Variants in NIPAL2 observed in about 807,000 individuals in gnomAD.
NIPAL2 encodes NIPA like domain containing 2.
A neutral mutation model predicts 48.9 loss-of-function variants in NIPAL2; 43 were observed. That is an observed-to-expected ratio of 0.88 (90% CI 0.69 to 1.13). The LOEUF is 1.13. Among genes scored for constraint, NIPAL2 ranks in the 50% most tolerant of loss-of-function variants. The probability of loss-of-function intolerance (pLI) is 0.00; values close to 1 mark genes in which losing one functional copy is unlikely to be tolerated. For synonymous variants in NIPAL2, 167 were observed against 174.6 expected, an observed-to-expected ratio of 0.96 and a Z score of 0.34; for missense variants, 446 against 461.4, an observed-to-expected ratio of 0.97 and a Z score of 0.31.
rs1199088360 is a variant in NIPAL2, at chr8:98,195,925, C to A, written c.944+17G>T. On this transcript the variant is annotated intron_variant, in intron 9 of 10. Coordinates refer to ENST00000430223, the MANE Select transcript of NIPAL2 (RefSeq NM_001321635.2). Reference sequence around the variant, plus strand: ...TAATAGAATTTCACATGCTTTACCTCTGAGACATTTACTCACCCAAAAAGA... The same window carrying A: ...TAATAGAATTTCACATGCTTTACCTATGAGACATTTACTCACCCAAAAAGA... 4 of 1,537,624 alleles carry A rather than the reference C, an allele frequency of 2.6e-6. No individual in the cohort carries two copies. The highest frequency in any genetic ancestry group is 3.6e-6 in the Non-Finnish European group (4 of 1,119,068).
At chr8:98,262,071 C>T (rs1442533862) in intron 1 of NIPAL2, among the ~76,000 whole-genome samples, 13 of 139,446 alleles carry the variant, frequency 9.3e-5, no homozygotes, top group Non-Finnish European at 1.9e-4. Flanking sequence ...TACAGACAAG[C>T]AAATGCTGAG....
intron 4 of NIPAL2, among the ~76,000 whole-genome samples, chr8:98,229,577 C>T (rs574622578): frequency 8.9e-4 from 135 of 152,218 alleles, no homozygotes; most frequent in African/African-American, 3.1e-3. Context: ...AGGGTCTGGC[C>T]ATGTTGTCCA....
At chr8:98,245,010 A>G (rs1813234822) in intron 3 of NIPAL2, among the ~76,000 whole-genome samples, 1 of 152,232 alleles carries the variant, frequency 6.6e-6, no homozygotes, top group Non-Finnish European at 1.5e-5. Context: ...AAAATAGAAG[A>G]TAAAACACTA....
intron 5 of NIPAL2, among the ~76,000 whole-genome samples, chr8:98,219,011 G>T (rs930057268): frequency 1.3e-5 from 2 of 152,162 alleles, no homozygotes; most frequent in African/African-American, 4.8e-5. Flanking sequence ...TGTGAAAAGG[G>T]GGTCAAGTTC....
chr8:98,226,391 G>A (rs984801571), intron 4 of NIPAL2, among the ~76,000 whole-genome samples: 1 of 152,124 alleles, frequency 6.6e-6, no homozygotes, highest in African/African-American at 2.4e-5. Flanking sequence ...TAGGGAACTT[G>A]GGTATTGTGA....
chr8:98,194,624 A>C, intron 10 of NIPAL2, 104 bp downstream of exon 10: 1 of 550,632 alleles, frequency 1.8e-6, no homozygotes, highest in African/African-American at 2.0e-5. Context: ...TACATTTTTT[A>C]GGATAAGAAT....
intron 1 of NIPAL2, among the ~76,000 whole-genome samples, chr8:98,265,223 A>C (rs1814635347): frequency 1.3e-5 from 2 of 151,648 alleles, no homozygotes; most frequent in South Asian, 4.2e-4. Flanking sequence ...AGGCATGGGC[A>C]AGGACTTCAG....
intron 6 of NIPAL2, among the ~76,000 whole-genome samples, chr8:98,207,592 A>G (rs1811099258): frequency 6.6e-6 from 1 of 152,118 alleles, no homozygotes; most frequent in Non-Finnish European, 1.5e-5. Context: ...CTTGAAATTC[A>G]TTAAAAAAAT....
At chr8:98,215,554 C>T (rs1811533827) in intron 5 of NIPAL2, among the ~76,000 whole-genome samples, 1 of 152,176 alleles carries the variant, frequency 6.6e-6, no homozygotes, top group Non-Finnish European at 1.5e-5. Context: ...TTCGTTGAAT[C>T]CTCACAACCA....
At chr8:98,267,988 C>T (rs933176410) in intron 1 of NIPAL2, among the ~76,000 whole-genome samples, 2 of 152,154 alleles carry the variant, frequency 1.3e-5, no homozygotes, top group African/African-American at 4.8e-5. Context: ...AGAAGATTGT[C>T]CTTTCTTCAG....
At chr8:98,238,092 C>T (rs996245270) in intron 3 of NIPAL2, among the ~76,000 whole-genome samples, 3 of 152,180 alleles carry the variant, frequency 2.0e-5, no homozygotes, top group Admixed American at 1.3e-4. Context: ...GTCGAGCCAT[C>T]GTCTGCTACT....
rs1446041888 is a variant in NIPAL2 at position 98,265,762 on chromosome 8, C to T, written c.136-11675G>A. On this transcript the variant is annotated intron_variant, in intron 1 of 10. Coordinates refer to ENST00000430223, the MANE Select transcript of NIPAL2 (RefSeq NM_001321635.2). ...ATCTAGAACTGGAAATACCATTTGA[C>T]CCAGCCATCCCATTACTGGGTATAT... Among the ~76,000 whole-genome samples, 5 of 138,426 alleles carry T rather than the reference C, an allele frequency of 3.6e-5. No homozygotes were observed. In the East Asian group the frequency reaches 8.4e-4, roughly 23 times the overall value. The allele number at this position is 138,426 out of a possible 152,430, so 90.8% of individuals were successfully genotyped here. A position where few individuals can be genotyped will look rare whatever the true frequency, so the allele number is the denominator to read the frequency against.
At chr8:98,274,761 T>C (rs1056754386) in intron 1 of NIPAL2, among the ~76,000 whole-genome samples, 11 of 152,112 alleles carry the variant, frequency 7.2e-5, no homozygotes, top group Admixed American at 7.2e-4. Flanking sequence ...TTTACACTTA[T>C]TGTGATTGTC....
chr8:98,216,584 A>G (rs1218012576), intron 5 of NIPAL2, among the ~76,000 whole-genome samples: 1 of 152,248 alleles, frequency 6.6e-6, no homozygotes, highest in African/African-American at 2.4e-5. Flanking sequence ...TTTGCCAGAA[A>G]GGCTGACTTA....
intron 1 of NIPAL2, among the ~76,000 whole-genome samples, chr8:98,277,881 G>A (rs1332869772): frequency 1.3e-5 from 2 of 152,172 alleles, no homozygotes. Context: ...TCCGTTGATA[G>A]ATATTTGGGT....
intron 5 of NIPAL2, among the ~76,000 whole-genome samples, chr8:98,214,824 G>A (rs887887074): frequency 1.2e-4 from 18 of 152,046 alleles, no homozygotes; most frequent in African/African-American, 3.9e-4. Context: ...TATTTTAACT[G>A]TTTCTTATGG....
At chr8:98,193,266 AGC>A in intron 10 of NIPAL2, 176 bp from the exon 11 acceptor site, 1 of 1,191,528 alleles carries the variant, frequency 8.4e-7, no homozygotes, top group Non-Finnish European at 1.3e-6. Context: ...CCATGTCTGT[AGC>A]TATGTGATAG....
At position 98,253,735 on chromosome 8, in the gene NIPAL2, T is replaced by A. The variant is rs535375713; in HGVS notation, c.204+284A>T. Among the ~76,000 whole-genome samples, 13 of 152,264 alleles carry A rather than the reference T, an allele frequency of 8.5e-5. No individual in the cohort carries two copies. The South Asian group carries it at 2.7e-3, about 32-fold the overall frequency. On this transcript the variant is annotated intron_variant, in intron 2 of 10. Transcript: ENST00000430223. Reference sequence around the variant, plus strand: ...CTGCAAATCAAACCAGTGCTATTTATCCATTAGACACCGTCGGCCCCTTAC... The same window carrying A: ...CTGCAAATCAAACCAGTGCTATTTAACCATTAGACACCGTCGGCCCCTTAC...
chr8:98,208,536 C>T (rs1311688578), intron 6 of NIPAL2, among the ~76,000 whole-genome samples: 1 of 152,114 alleles, frequency 6.6e-6, no homozygotes, highest in Non-Finnish European at 1.5e-5. Flanking sequence ...GCAATCTCCA[C>T]CTCGTGGGTT....
Sources: gnomAD v4.1 joint callset for allele counts (sites outside exome capture counted in the v4.1 genomes callset) on GRCh38, gnomAD v4.1.1 for gene constraint, MANE v1.5 for transcripts, NCBI Gene and HGNC (gene_info 2026-07-23, HGNC 2026-07-21) for gene names.